Variants in NFIC observed in about 807,000 individuals in gnomAD.
NFIC encodes nuclear factor 1 C-type.
A neutral mutation model predicts 54.4 loss-of-function variants in NFIC; 12 were observed. That is an observed-to-expected ratio of 0.22 (90% CI 0.14 to 0.36). NFIC has a LOEUF of 0.36. Among genes scored for constraint, NFIC ranks in the 10% least tolerant of loss-of-function variants. NFIC has a pLI of 1.00. For synonymous variants in NFIC, 322 were observed against 319.2 expected (o/e 1.01, Z -0.09); for missense variants, 575 against 718.2 (o/e 0.80, Z 2.28).
intron 9 of NFIC, among the ~76,000 whole-genome samples, chr19:3,455,794 C>T (rs10410599): frequency 0.46 from 70,629 of 151,952 alleles, 19,455 homozygotes; most frequent in East Asian, 0.76. Flanking sequence ...CGGGATTATG[C>T]CCAGTGCCTG....
chr19:3,385,016 A>T (rs964833877), intron 2 of NFIC, among the ~76,000 whole-genome samples: 1 of 60,172 alleles, frequency 1.7e-5, no homozygotes. Flanking sequence ...GCGCCTCCCC[A>T]CCCCCACCCT....
intron 10 of NFIC, among the ~76,000 whole-genome samples, chr19:3,461,755 T>C (rs916721301): frequency 1.4e-5 from 2 of 145,376 alleles, no homozygotes; most frequent in African/African-American, 5.1e-5. Flanking sequence ...AGAAAATAAT[T>C]TTTAAAATAT....
At chr19:3,435,440 C>T (rs1197012186) in intron 6 of NFIC, among the ~76,000 whole-genome samples, 1 of 152,222 alleles carries the variant, frequency 6.6e-6, no homozygotes, top group Non-Finnish European at 1.5e-5. Context: ...GAGACTGTCC[C>T]CTGCCTGACT....
chr19:3,393,775 C>A (rs1205185248), intron 2 of NFIC, among the ~76,000 whole-genome samples: 1 of 144,726 alleles, frequency 6.9e-6, no homozygotes, highest in Non-Finnish European at 1.5e-5. Context: ...TGGGATCGTG[C>A]CACTGCACTC....
rs147582051 is a variant in NFIC at position 3,458,451 on chromosome 19, C to T, written c.1509+1816C>T. On this transcript the variant is annotated intron_variant, in intron 10 of 10. Transcript: ENST00000443272. This position sits in a 1 kb window ranked among gnomAD's most constrained non-coding sequence, Gnocchi z 4.1. Reference sequence around the variant, plus strand: ...ACCAAACTCTCTGACCAGGCCCTCCCGCCAGGGCCCGGGACCCTTCTCTCA... The same window carrying T: ...ACCAAACTCTCTGACCAGGCCCTCCTGCCAGGGCCCGGGACCCTTCTCTCA... Among the ~76,000 whole-genome samples, 157 of 152,286 alleles carry T rather than the reference C, an allele frequency of 1.0e-3. 1 individual carries two copies. The highest frequency in any genetic ancestry group is 5.8e-3 in the Admixed American group (89 of 15,298).
intron 10 of NFIC, among the ~76,000 whole-genome samples, chr19:3,461,537 A>T (rs1171460863): frequency 1.3e-5 from 2 of 151,802 alleles, no homozygotes; most frequent in Non-Finnish European, 2.9e-5. Context: ...AGCCCGGCCA[A>T]CATGGCGAAA....
chr19:3,463,272 GC>G lies in NFIC; in HGVS notation c.*508del. 2 of 989,994 alleles carry G rather than the reference GC, an allele frequency of 2.0e-6. No individual in the cohort carries two copies. The highest frequency in any genetic ancestry group is 2.4e-6 in the Non-Finnish European group (2 of 833,352). 61.3% of individuals were successfully genotyped at this position (989,994 alleles called of 1,614,324 possible). On this transcript the variant is annotated 3_prime_UTR_variant, in exon 11 of 11. Transcript: ENST00000443272. ...ACCCAGCAAGGCCACCTCTCCCCGG[GC>G]CCCCGCGCCTCTGCCGGACACGGAC...
chr19:3,394,530 AC>A lies in NFIC; in HGVS notation c.562+12290del, dbSNP rs1270123415. On this transcript the variant is annotated intron_variant, in intron 2 of 10. Transcript: ENST00000443272. ...ATGATCTTTTCCCCACCCACCCCCC[AC>A]CCGCTTACACTAAGTCTGAAATTTG... is the stretch of plus-strand genomic sequence containing the variant. Among the ~76,000 whole-genome samples the A allele has an allele frequency of 4.9e-4, 18 of 36,626 alleles. 4 individuals are homozygous for A. Among genetic ancestry groups the A allele is most frequent in the African/African-American group, 3.0e-3 (15 of 4,998 alleles). The allele number at this position is 36,626 out of a possible 152,430, so 24.0% of individuals were successfully genotyped here.
intron 2 of NFIC, among the ~76,000 whole-genome samples, chr19:3,404,995 C>T (rs2081622445): frequency 6.6e-6 from 1 of 152,328 alleles, no homozygotes; most frequent in Non-Finnish European, 1.5e-5. Flanking sequence ...CGGTGGTGGC[C>T]GCTGACCTGA....
chr19:3,445,934 TC>T (rs2082367569), intron 6 of NFIC, among the ~76,000 whole-genome samples: 1 of 151,998 alleles, frequency 6.6e-6, no homozygotes, highest in African/African-American at 2.4e-5. Flanking sequence ...TCTGGGGACA[TC>T]CGTGGTTGTC....
chr19:3,435,255 G>T, intron 6 of NFIC, 48 bp downstream of exon 6: 2 of 1,510,202 alleles, frequency 1.3e-6, no homozygotes, highest in Admixed American at 2.1e-5. Context: ...CTGAGTCACC[G>T]TGGCGGGAAC....
rs1385640112 is a variant in NFIC, at chr19:3,425,201, G to A, written c.634+24G>A. 6 of 1,602,208 alleles carry A rather than the reference G, an allele frequency of 3.7e-6. No individual in the cohort carries two copies. The Middle Eastern group carries it at 5.0e-4, about 132-fold the overall frequency. ...GGGTGAGTCTGGGGGCAGCGTGGCG[G>A]TGAAGGGCGGAGGGCGCAGCCCTGT... On this transcript the variant is annotated intron_variant, in intron 3 of 10. Transcript: ENST00000443272.
chr19:3,364,525 GC>G (rs1307943762), upstream of NFIC, among the ~76,000 whole-genome samples: 1 of 152,186 alleles, frequency 6.6e-6, no homozygotes, highest in African/African-American at 2.4e-5. Context: ...TCGTACACTT[GC>G]AGAAGTTTCT....
At chr19:3,396,953 T>TCAAA (rs527643888) in intron 2 of NFIC, among the ~76,000 whole-genome samples, 11 of 152,006 alleles carry the variant, frequency 7.2e-5, no homozygotes, top group African/African-American at 2.4e-4. Flanking sequence ...AGACTCCATC[T>TCAAA]CAAACAAACA....
At chr19:3,450,127 C>T (rs1256197840) in intron 7 of NFIC, among the ~76,000 whole-genome samples, 3 of 151,822 alleles carry the variant, frequency 2.0e-5, no homozygotes, top group East Asian at 3.9e-4. Flanking sequence ...GGGCGGATTA[C>T]GAGGTCAGGA....
chr19:3,459,014 G>A lies in NFIC; in HGVS notation c.1509+2379G>A, dbSNP rs1016522692. The stretch of plus-strand genomic sequence containing the variant: ...GCGCCGCCACCTCCCTGCAGACCCC[G>A]GAGAGAGGGAGGGAAGAAGCAGTGA... On this transcript the variant is annotated intron_variant, in intron 10 of 10. Coordinates refer to ENST00000443272, the MANE Select transcript of NFIC (RefSeq NM_001245002.2). The surrounding 1 kb of genome is among the most constrained non-coding windows in gnomAD (Gnocchi z 4.2). Among the ~76,000 whole-genome samples the A allele has an allele frequency of 2.6e-5, 4 of 152,054 alleles. No individual in the cohort carries two copies. Among genetic ancestry groups the A allele is most frequent in the Non-Finnish European group, 5.9e-5 (4 of 67,990 alleles).
chr19:3,404,837 T>C (rs1195257947), intron 2 of NFIC, among the ~76,000 whole-genome samples: 1 of 152,064 alleles, frequency 6.6e-6, no homozygotes, highest in Non-Finnish European at 1.5e-5. Flanking sequence ...TCCAGGGACC[T>C]CCAGACCCGC....
rs570551070 is a variant in NFIC, at chr19:3,375,767, G to T, written c.31-5945G>T. On this transcript the variant is annotated intron_variant, in intron 1 of 10. Coordinates refer to ENST00000443272, the MANE Select transcript of NFIC (RefSeq NM_001245002.2). This position sits in a 1 kb window ranked among gnomAD's most constrained non-coding sequence, Gnocchi z 4.6. Reference sequence around the variant, plus strand: ...CCTCCCCCCGAAGCACCCCACGGCCGGAGGTGGCCCAAGGGGACGTGGAGC... The same window carrying T: ...CCTCCCCCCGAAGCACCCCACGGCCTGAGGTGGCCCAAGGGGACGTGGAGC... 6.6e-6 allele frequency among the ~76,000 whole-genome samples: 1 copy of T among 152,184 alleles called. No homozygotes were observed. Among genetic ancestry groups the T allele is most frequent in the African/African-American group, 2.4e-5 (1 of 41,448 alleles).
At position 3,404,807 on chromosome 19, in the gene NFIC, C is replaced by T. The variant is rs536540951; in HGVS notation, c.563-20299C>T. On this transcript the variant is annotated intron_variant, in intron 2 of 10. Coordinates refer to ENST00000443272, the MANE Select transcript of NFIC (RefSeq NM_001245002.2). ...GGGCGAGTCCCTACGCGCAGGCCTC[C>T]GAGCAGGGGCCCTGCGGCCTCCAGG... Among the ~76,000 whole-genome samples, 533 of 152,302 alleles carry T rather than the reference C, an allele frequency of 3.5e-3. 5 individuals are homozygous for T. Among genetic ancestry groups the T allele is most frequent in the Admixed American group, 6.1e-3 (93 of 15,304 alleles).
Sources: gnomAD v4.1 joint callset for allele counts (sites outside exome capture counted in the v4.1 genomes callset) on GRCh38, gnomAD v4.1.1 for gene constraint, Gnocchi (gnomAD v3.1) non-coding constraint, MANE v1.5 for transcripts, NCBI Gene and HGNC (gene_info 2026-07-23, HGNC 2026-07-21) for gene names.